KAT6A: variants seen among roughly 807,000 people sequenced by gnomAD.
KAT6A encodes the protein histone acetyltransferase KAT6A.
In KAT6A, 9 loss-of-function variants were observed where a neutral mutation model predicts 198.4. That is an observed-to-expected ratio of 0.05 (90% CI 0.03 to 0.08). The LOEUF is 0.08. KAT6A is among the 10% of genes least tolerant of loss of function. KAT6A has a pLI of 1.00. For synonymous variants in KAT6A, 890 were observed against 883.0 expected, an observed-to-expected ratio of 1.01 and a Z score of -0.14; for missense variants, 2,077 against 2,509.9, an observed-to-expected ratio of 0.83 and a Z score of 3.69.
At chr8:42,031,697 T>C (rs1827140101) in intron 2 of KAT6A, among the ~76,000 whole-genome samples, 1 of 149,124 alleles carries the variant, frequency 6.7e-6, no homozygotes, top group Non-Finnish European at 1.5e-5. Flanking sequence ...TGGTGTGATC[T>C]TGGCTCACCG....
intron 1 of KAT6A, among the ~76,000 whole-genome samples, chr8:42,050,999 C>T: frequency 6.6e-6 from 1 of 152,188 alleles, no homozygotes; most frequent in African/African-American, 2.4e-5. Context: ...TTTCAAAGAG[C>T]GAGAAACTTT....
chr8:41,935,470 C>CAA (rs1821801060), intron 16 of KAT6A, among the ~76,000 whole-genome samples: 1 of 151,984 alleles, frequency 6.6e-6, no homozygotes, highest in Non-Finnish European at 1.5e-5. Context: ...TAGTCCTAGA[C>CAA]AAAAACTGAC....
chr8:41,999,110 T>C (rs1360280081), intron 2 of KAT6A, among the ~76,000 whole-genome samples: 1 of 152,140 alleles, frequency 6.6e-6, no homozygotes, highest in South Asian at 2.1e-4. Flanking sequence ...TTACTATGTA[T>C]GTAGATTATT....
At chr8:41,967,274 AATTTATTTATTT>A (rs10661891) in intron 8 of KAT6A, among the ~76,000 whole-genome samples, 1 of 142,798 alleles carries the variant, frequency 7.0e-6, no homozygotes, top group East Asian at 2.0e-4. Flanking sequence ...TAAAAAAAAA[AATTTATTTATTT>A]ATTTATTTAT....
At chr8:41,946,817 A>C (rs1337770908) in intron 11 of KAT6A, 133 bp from the exon 12 acceptor site, 8 of 616,302 alleles carry the variant, frequency 1.3e-5, no homozygotes, top group Middle Eastern at 5.1e-4. Flanking sequence ...ACATCAACAA[A>C]CAACTACCCA....
intron 2 of KAT6A, among the ~76,000 whole-genome samples, chr8:42,029,093 A>C (rs988093983): frequency 1.3e-5 from 2 of 152,084 alleles, no homozygotes; most frequent in African/African-American, 4.8e-5. Context: ...CAGTAGTTTC[A>C]TTCTTCCAGT....
chr8:41,968,319 T>A (rs1431077466), intron 8 of KAT6A, among the ~76,000 whole-genome samples: 1 of 152,040 alleles, frequency 6.6e-6, no homozygotes, highest in Non-Finnish European at 1.5e-5. Flanking sequence ...GCAAAGGACA[T>A]GAACAGACAC....
intron 10 of KAT6A, among the ~76,000 whole-genome samples, chr8:41,948,798 C>T (rs529259949): frequency 4.7e-5 from 7 of 149,662 alleles, no homozygotes; most frequent in Non-Finnish European, 1.0e-4. Context: ...AGTAAGTAAA[C>T]GGCACATAAG....
chr8:42,024,362 T>C (rs921279701), intron 2 of KAT6A, among the ~76,000 whole-genome samples: 12 of 152,248 alleles, frequency 7.9e-5, no homozygotes, highest in African/African-American at 2.7e-4. Context: ...GTACACGTGA[T>C]ATTTTGATAC....
At chr8:41,967,924 T>C (rs564520641) in intron 8 of KAT6A, among the ~76,000 whole-genome samples, 64 of 152,056 alleles carry the variant, frequency 4.2e-4, no homozygotes, top group Admixed American at 7.2e-4. Context: ...TACCCATATG[T>C]AGAAAGCTGA....
intron 2 of KAT6A, among the ~76,000 whole-genome samples, chr8:42,028,932 C>A (rs1483309180): frequency 6.6e-6 from 1 of 152,088 alleles, no homozygotes; most frequent in Non-Finnish European, 1.5e-5. Flanking sequence ...GTACATATTG[C>A]CCTTTCACTT....
intron 14 of KAT6A, 70 bp downstream of exon 14, chr8:41,942,723 T>C: frequency 6.7e-7 from 1 of 1,484,460 alleles, no homozygotes; most frequent in Non-Finnish European, 9.3e-7. Context: ...CATAATACAT[T>C]ATTATAAATA....
intron 11 of KAT6A, among the ~76,000 whole-genome samples, chr8:41,947,514 A>G (rs746782911): frequency 3.9e-5 from 6 of 152,236 alleles, no homozygotes; most frequent in Non-Finnish European, 8.8e-5. Flanking sequence ...GAAGCCATTT[A>G]AAACCTTCCC....
chr8:42,044,004 C>A (rs1200601455), intron 2 of KAT6A, among the ~76,000 whole-genome samples: 1 of 151,870 alleles, frequency 6.6e-6, no homozygotes, highest in Non-Finnish European at 1.5e-5. Flanking sequence ...TAACGCCTGG[C>A]ACATAGTAAA....
In KAT6A at chr8:41,937,407, G is replaced by A. The variant is rs1821907055; in HGVS notation, c.3201C>T (p.Ile1067=). ...CATCCTCTTCCTCCTCTTCTTCATC[G>A]ATCTCAAACGTGGGTTCTAATCTTG... ...PMPRLEPTFE[I]DEEEEEEDEN... Residue 1067 remains isoleucine, a synonymous_variant, in exon 16 of 17, where the codon ATC becomes ATT. Coordinates refer to ENST00000265713, the MANE Select transcript of KAT6A (RefSeq NM_006766.5). 7 of 1,613,874 alleles carry A rather than the reference G, an allele frequency of 4.3e-6. No individual in the cohort carries two copies. The highest frequency in any genetic ancestry group is 1.3e-5 in the African/African-American group (1 of 74,850).
intron 8 of KAT6A, 32 bp from the exon 9 acceptor site, chr8:41,955,443 G>T: frequency 7.3e-7 from 1 of 1,365,976 alleles, no homozygotes; most frequent in Non-Finnish European, 1.0e-6. Flanking sequence ...TCAAAAGTTA[G>T]CTAAATTAGA....
At chr8:42,005,422 T>G (rs1347836472) in intron 2 of KAT6A, among the ~76,000 whole-genome samples, 2 of 152,188 alleles carry the variant, frequency 1.3e-5, no homozygotes, top group African/African-American at 4.8e-5. Flanking sequence ...AAAGCCAGTG[T>G]GATAAGGGTG....
Position 41,977,084 on chromosome 8 carries a change from T to G in KAT6A, c.1287A>C (p.Glu429Asp), listed in dbSNP as rs745782760. ...GATATTGCTCAGAGTAGTCCACCAC[T>G]TCCCCCCGAGCTTTCCGCCCATCAG... Reference protein sequence around the residue: ...PSPDGRKARGEVVDYSEQYRI... With the variant: ...PSPDGRKARGDVVDYSEQYRI... The change falls in exon 7 of 17, where the codon GAA becomes GAC. Residue 429 changes from glutamate (E) to aspartate (D), a missense_variant. Physicochemically the swap from Glu to Asp is conservative, Grantham distance 45 (BLOSUM62 2). This residue lies in a region of KAT6A where 206 missense variants were observed against 214.9 expected (regional missense o/e 0.96). Transcript: ENST00000265713. 2.5e-6 allele frequency: 4 copies of G among 1,614,206 alleles called. No individual in the cohort carries two copies. Among genetic ancestry groups the G allele is most frequent in the East Asian group, 2.2e-5 (1 of 44,890 alleles).
Position 42,048,361 on chromosome 8 carries a change from G to A in KAT6A, c.600+17C>T, listed in dbSNP as rs369363084. 5.0e-6 allele frequency: 8 copies of A among 1,610,066 alleles called. No individual in the cohort carries two copies. In the African/African-American group the frequency reaches 9.3e-5, roughly 19 times the overall value. On this transcript the variant is annotated intron_variant, in intron 2 of 16. Coordinates refer to ENST00000265713, the MANE Select transcript of KAT6A (RefSeq NM_006766.5). ...TATCATCAGCTCTATAAACCCCGAA[G>A]CATATGCCATTCTTACCTTATCCTT...
Sources: allele counts gnomAD v4.1 joint callset (sites outside exome capture counted in the v4.1 genomes callset), GRCh38; gene constraint gnomAD v4.1.1; regional missense constraint gnomAD v4.1.1; transcripts MANE v1.5; gene names NCBI Gene and HGNC (gene_info 2026-07-23, HGNC 2026-07-21).